The following CHL1 variants were observed in gnomAD, a reference collection of about 807,000 sequenced individuals.
CHL1 encodes cell adhesion molecule L1 like, also known as neural cell adhesion molecule L1-like protein.
A neutral mutation model predicts 141.9 loss-of-function variants in CHL1; 96 were observed. The observed-to-expected ratio is 0.68, with a 90% CI of 0.57 to 0.80. The LOEUF (loss-of-function observed/expected upper bound fraction) is 0.80. Among genes scored for constraint, CHL1 ranks in the 30% least tolerant of loss-of-function variants. The probability of loss-of-function intolerance (pLI) is 0.00; values close to 1 mark genes in which losing one functional copy is unlikely to be tolerated. For missense variants in CHL1, 1,820 were observed against 1,457.2 expected, an observed-to-expected ratio of 1.25 and a Z score of -4.05; for synonymous variants, 613 against 502.2, an observed-to-expected ratio of 1.22 and a Z score of -2.95.
chr3:286,762 C>G (rs907068073), intron 2 of CHL1, among the ~76,000 whole-genome samples: 1 of 152,080 alleles, frequency 6.6e-6, no homozygotes, highest in Non-Finnish European at 1.5e-5. Context: ...TCATGATTTT[C>G]CAGGAAAGCG....
intron 9 of CHL1, among the ~76,000 whole-genome samples, chr3:347,164 T>C (rs1702837501): frequency 6.6e-6 from 1 of 151,410 alleles, no homozygotes; most frequent in African/African-American, 2.4e-5. Context: ...GCTCAAATAG[T>C]TTTTTTTTCT....
At chr3:222,761 T>C (rs141723934) in intron 1 of CHL1, among the ~76,000 whole-genome samples, 2,653 of 152,232 alleles carry the variant, frequency 0.017, 37 homozygotes, top group Middle Eastern at 0.027. Flanking sequence ...GGTGGATCCA[T>C]CCTATTTTTA....
chr3:363,598 G>T, intron 14 of CHL1: 1 of 421,996 alleles, frequency 2.4e-6, no homozygotes, highest in South Asian at 4.7e-5. Context: ...TATTTTAAGA[G>T]GCAGCCAGGT....
chr3:227,449 T>A (rs1701455202), intron 1 of CHL1, among the ~76,000 whole-genome samples: 1 of 152,152 alleles, frequency 6.6e-6, no homozygotes, highest in Non-Finnish European at 1.5e-5. Context: ...TTCTCAAACA[T>A]CCTCAATGAC....
intron 2 of CHL1, among the ~76,000 whole-genome samples, chr3:312,251 T>C (rs1699814584): frequency 6.6e-6 from 1 of 152,218 alleles, no homozygotes; most frequent in African/African-American, 2.4e-5. Context: ...TCCTTTGATC[T>C]ACTGTGTACA....
At chr3:219,898 C>G (rs958560612) in intron 1 of CHL1, among the ~76,000 whole-genome samples, 4 of 152,144 alleles carry the variant, frequency 2.6e-5, no homozygotes, top group Non-Finnish European at 4.4e-5. Context: ...AAAATACATA[C>G]TAAGATAGAC....
At chr3:313,927 C>T (rs1699951298) in intron 2 of CHL1, among the ~76,000 whole-genome samples, 1 of 152,060 alleles carries the variant, frequency 6.6e-6, no homozygotes, top group Non-Finnish European at 1.5e-5. Context: ...TTTCAAAACT[C>T]TTAAACCAAG....
chr3:359,979 C>G (rs1018064337), intron 11 of CHL1, among the ~76,000 whole-genome samples: 2 of 152,038 alleles, frequency 1.3e-5, no homozygotes, highest in Non-Finnish European at 2.9e-5. Flanking sequence ...CATCATAGGT[C>G]TTGAATGCCT....
chr3:199,678 A>G (rs1312988780), intron 1 of CHL1, among the ~76,000 whole-genome samples: 1 of 152,238 alleles, frequency 6.6e-6, no homozygotes, highest in African/African-American at 2.4e-5. Context: ...AGATGTCACC[A>G]TCACAAAGAT....
intron 13 of CHL1, 52 bp from the exon 14 acceptor site, chr3:363,165 C>T (rs370842441): frequency 7.3e-4 from 1,089 of 1,496,162 alleles, no homozygotes; most frequent in Non-Finnish European, 9.0e-4. Flanking sequence ...TATTAAAAAG[C>T]GTATACAATT....
At position 330,091 on chromosome 3, in the gene CHL1, A is replaced by C. The variant is rs376015584; in HGVS notation, c.385+1737A>C. 7.9e-5 allele frequency among the ~76,000 whole-genome samples: 12 copies of C among 152,130 alleles called. No individual in the cohort carries two copies. The East Asian group carries it at 1.5e-3, about 20-fold the overall frequency. On this transcript the variant is annotated intron_variant, in intron 5 of 27. Coordinates refer to ENST00000256509, the MANE Select transcript of CHL1 (RefSeq NM_006614.4). ...CTAACACGGCAAAATGAGTTTTTTC[A>C]TACACATGGGGTAAAAGGTTATATT...
intron 1 of CHL1, among the ~76,000 whole-genome samples, chr3:198,465 G>A (rs1698609647): frequency 6.6e-6 from 1 of 152,192 alleles, no homozygotes; most frequent in Non-Finnish European, 1.5e-5. Context: ...ACGCCCACGT[G>A]GCTTCGAATT....
At chr3:359,551 C>T (rs1704024301) in intron 11 of CHL1, among the ~76,000 whole-genome samples, 1 of 152,104 alleles carries the variant, frequency 6.6e-6, no homozygotes, top group South Asian at 2.1e-4. Flanking sequence ...GATCCATCTG[C>T]CTCAGCCTCC....
intron 2 of CHL1, among the ~76,000 whole-genome samples, chr3:251,691 G>A (rs1054478243): frequency 1.3e-5 from 2 of 152,088 alleles, no homozygotes; most frequent in Non-Finnish European, 2.9e-5. Context: ...ATCCTGGAAA[G>A]TTAGAAAAAG....
intron 2 of CHL1, among the ~76,000 whole-genome samples, chr3:254,724 G>C (rs1159507152): frequency 6.6e-6 from 1 of 152,172 alleles, no homozygotes; most frequent in Non-Finnish European, 1.5e-5. Flanking sequence ...GCTTCCTTCA[G>C]AGTGGAGGTA....
intron 1 of CHL1, among the ~76,000 whole-genome samples, chr3:227,130 T>G (rs1193105050): frequency 6.6e-6 from 1 of 152,198 alleles, no homozygotes; most frequent in Non-Finnish European, 1.5e-5. Context: ...TTCCATCCCA[T>G]GCACATCTTA....
At chr3:256,583 G>C (rs1221895594) in intron 2 of CHL1, among the ~76,000 whole-genome samples, 1 of 152,226 alleles carries the variant, frequency 6.6e-6, no homozygotes. Flanking sequence ...GGCCAAAGAT[G>C]CTGCTACATG....
chr3:298,785 T>C (rs1698443401), intron 2 of CHL1, among the ~76,000 whole-genome samples: 1 of 152,204 alleles, frequency 6.6e-6, no homozygotes, highest in Admixed American at 6.5e-5. Context: ...AAATACCTTC[T>C]TGGTGATATG....
intron 1 of CHL1, among the ~76,000 whole-genome samples, chr3:204,587 G>A (rs997051340): frequency 5.3e-5 from 8 of 152,088 alleles, no homozygotes; most frequent in African/African-American, 1.2e-4. Flanking sequence ...TTGGAAGTTC[G>A]GTTTTTTATT....
Sources: allele counts gnomAD v4.1 joint callset (sites outside exome capture counted in the v4.1 genomes callset), GRCh38; gene constraint gnomAD v4.1.1; transcripts MANE v1.5; gene names NCBI Gene and HGNC (gene_info 2026-07-23, HGNC 2026-07-21).